Variants in SH3BP4 observed in about 807,000 individuals in gnomAD.
SH3BP4 encodes SH3 domain binding protein 4, also known as SH3 domain-binding protein 4.
In SH3BP4, 33 loss-of-function variants were observed where a neutral mutation model predicts 65.5. The ratio of observed to expected loss-of-function variants is 0.50; its 90% confidence interval spans 0.38 to 0.67. SH3BP4 has a LOEUF of 0.67. SH3BP4 is among the 30% of genes least tolerant of loss of function. The pLI, the probability that SH3BP4 is intolerant of heterozygous loss-of-function variation, is 0.00. For missense variants in SH3BP4, 1,134 were observed against 1,261.4 expected (o/e 0.90, Z 1.53); for synonymous variants, 552 against 545.5 (o/e 1.01, Z -0.17).
intron 2 of SH3BP4, among the ~76,000 whole-genome samples, chr2:235,018,077 C>T (rs950805412): frequency 1.3e-5 from 2 of 152,082 alleles, no homozygotes; most frequent in Non-Finnish European, 2.9e-5. Context: ...CTTACAGGGT[C>T]TTGGATTACC....
rs1693735084 is a variant in SH3BP4 at position 234,991,113 on chromosome 2, G to T, written c.-206-4190G>T. 1.3e-5 allele frequency among the ~76,000 whole-genome samples: 2 copies of T among 152,168 alleles called. No homozygotes were observed. The highest frequency in any genetic ancestry group is 2.9e-5 in the Non-Finnish European group (2 of 68,022). ...CTGGTGATGCATACAAATTTGGGGGGATGCAATTCCATCTATACCATTGGG... is the reference window on the plus strand; with the variant it reads ...CTGGTGATGCATACAAATTTGGGGGTATGCAATTCCATCTATACCATTGGG... On this transcript the variant is annotated intron_variant, in intron 1 of 5. Transcript: ENST00000392011. The surrounding 1 kb of genome is among the most constrained non-coding windows in gnomAD (Gnocchi z 4.2).
chr2:234,973,239 C>T (rs557818137), intron 1 of SH3BP4, among the ~76,000 whole-genome samples: 1 of 152,316 alleles, frequency 6.6e-6, no homozygotes, highest in South Asian at 2.1e-4. Flanking sequence ...GTCGCCCACA[C>T]ACCATCCACC....
chr2:235,000,351 T>C (rs1694058779), intron 2 of SH3BP4, among the ~76,000 whole-genome samples: 1 of 152,186 alleles, frequency 6.6e-6, no homozygotes, highest in Admixed American at 6.5e-5. Context: ...GTTATTGATG[T>C]GACTGGGGGG....
At position 235,034,641 on chromosome 2, in the gene SH3BP4, A is replaced by C. The variant is rs1011844069; in HGVS notation, c.-132-230A>C. On this transcript the variant is annotated intron_variant, in intron 2 of 5. Coordinates refer to ENST00000392011, the MANE Select transcript of SH3BP4 (RefSeq NM_014521.3). This position sits in a 1 kb window ranked among gnomAD's most constrained non-coding sequence, Gnocchi z 6.2. ...AGAGCAGGTGCAAACAGCCGGCCAG[A>C]AAACACTGCTTGGGCTGTGTGTGCC... is the stretch of plus-strand genomic sequence containing the variant. Among the ~76,000 whole-genome samples, 3 of 152,370 alleles carry C rather than the reference A, an allele frequency of 2.0e-5. No homozygotes were observed. The highest frequency in any genetic ancestry group is 4.4e-5 in the Non-Finnish European group (3 of 68,036).
intron 1 of SH3BP4, among the ~76,000 whole-genome samples, chr2:234,969,304 C>T (rs1011593250): frequency 1.3e-5 from 2 of 152,110 alleles, no homozygotes; most frequent in Non-Finnish European, 2.9e-5. Flanking sequence ...CTTTGGGGAA[C>T]GGTAGAGTCT....
intron 2 of SH3BP4, among the ~76,000 whole-genome samples, chr2:235,009,014 T>G (rs1694391215): frequency 6.6e-6 from 1 of 152,248 alleles, no homozygotes; most frequent in African/African-American, 2.4e-5. Flanking sequence ...GCTTGTGTTC[T>G]CTGGGATTGT....
At position 235,033,054 on chromosome 2, in the gene SH3BP4, G is replaced by A. The variant is rs1695256926; in HGVS notation, c.-132-1817G>A. On this transcript the variant is annotated intron_variant, in intron 2 of 5. Coordinates refer to ENST00000392011, the MANE Select transcript of SH3BP4 (RefSeq NM_014521.3). The surrounding 1 kb of genome is among the most constrained non-coding windows in gnomAD (Gnocchi z 5.7). ...CACTGCTGGGTAGGAGAGACGGCGG[G>A]GCTGGGCTCAGGTAGGTGTTTTTTA... Among the ~76,000 whole-genome samples the A allele has an allele frequency of 6.6e-6, 1 of 152,162 alleles. No homozygotes were observed. Among genetic ancestry groups the A allele is most frequent in the African/African-American group, 2.4e-5 (1 of 41,436 alleles).
At chr2:235,007,443 G>A (rs1244984807) in intron 2 of SH3BP4, among the ~76,000 whole-genome samples, 3 of 152,166 alleles carry the variant, frequency 2.0e-5, no homozygotes, top group Non-Finnish European at 4.4e-5. Flanking sequence ...TTGTCACCAC[G>A]CAGGGAGGAG....
chr2:235,031,565 G>A (rs972233844), intron 2 of SH3BP4, among the ~76,000 whole-genome samples: 3 of 152,166 alleles, frequency 2.0e-5, no homozygotes, highest in South Asian at 2.1e-4. Context: ...CTTCACCACC[G>A]CGTTCCGCCA....
chr2:234,964,851 G>A (rs2106242861), intron 1 of SH3BP4, among the ~76,000 whole-genome samples: 1 of 152,220 alleles, frequency 6.6e-6, no homozygotes, highest in Admixed American at 6.5e-5. Context: ...GGGGCCGGGT[G>A]ACCTGCCTGG....
chr2:235,004,470 T>A (rs1210048946), intron 2 of SH3BP4, among the ~76,000 whole-genome samples: 1 of 152,224 alleles, frequency 6.6e-6, no homozygotes, highest in African/African-American at 2.4e-5. Context: ...CACCACCTCT[T>A]ATCACATCTC....
intron 2 of SH3BP4, among the ~76,000 whole-genome samples, chr2:235,013,361 G>A (rs1384768503): frequency 4.6e-5 from 7 of 152,086 alleles, no homozygotes; most frequent in African/African-American, 1.2e-4. Flanking sequence ...AGTTGTCTCC[G>A]GTGTCTGGGC....
chr2:234,967,274 G>T lies in SH3BP4; in HGVS notation c.-207+15104G>T, dbSNP rs1191352344. ...GGTGCTTAACCGGGACCAGACTGGG[G>T]AGCAGGATGGGGCTGTGTTGTGGGA... On this transcript the variant is annotated intron_variant, in intron 1 of 5. Coordinates refer to ENST00000392011, the MANE Select transcript of SH3BP4 (RefSeq NM_014521.3). This position sits in a 1 kb window ranked among gnomAD's most constrained non-coding sequence, Gnocchi z 4.6. 3.9e-5 allele frequency among the ~76,000 whole-genome samples: 6 copies of T among 152,206 alleles called. No individual in the cohort carries two copies. Among genetic ancestry groups the T allele is most frequent in the Non-Finnish European group, 2.9e-5 (2 of 68,042 alleles).
chr2:234,990,931 C>T lies in SH3BP4; in HGVS notation c.-206-4372C>T, dbSNP rs575016627. On this transcript the variant is annotated intron_variant, in intron 1 of 5. Transcript: ENST00000392011. ...AAGCCTCACCCCCCATCTTAGTCAT[C>T]CTGTCACCTGTCCCTCTCTGTGTGC... Among the ~76,000 whole-genome samples, 55 of 152,248 alleles carry T rather than the reference C, an allele frequency of 3.6e-4. 1 individual carries two copies. Among genetic ancestry groups the T allele is most frequent in the African/African-American group, 1.3e-3 (53 of 41,536 alleles).
Position 235,055,192 on chromosome 2 carries a change from C to T in SH3BP4, c.*1376C>T, listed in dbSNP as rs1696187430. On this transcript the variant is annotated 3_prime_UTR_variant, in exon 6 of 6. Transcript: ENST00000392011. ...GAGTGAGGTGATCCTTAGCAACGTG[C>T]CAGGACACTTCCTGTGTGCCTGCAG... The T allele has an allele frequency of 6.6e-6, 1 of 152,170 alleles. No homozygotes were observed. The highest frequency in any genetic ancestry group is 1.5e-5 in the Non-Finnish European group (1 of 68,034). The allele number at this position is 152,170 out of a possible 1,614,324, so 9.4% of individuals were successfully genotyped here.
intron 1 of SH3BP4, among the ~76,000 whole-genome samples, chr2:234,970,098 TACAC>T (rs749914921): frequency 5.5e-4 from 82 of 149,718 alleles, no homozygotes; most frequent in East Asian, 3.2e-3. Context: ...CACTCACAAA[TACAC>T]TCACTCACAC....
intron 2 of SH3BP4, among the ~76,000 whole-genome samples, chr2:234,998,429 G>A (rs1013085842): frequency 1.3e-5 from 2 of 152,254 alleles, no homozygotes; most frequent in African/African-American, 2.4e-5. Context: ...TTCGCAGGGC[G>A]ACTGGCCACG....
chr2:235,054,025 C>G lies in SH3BP4; in HGVS notation c.*209C>G. The G allele has an allele frequency of 1.9e-6, 1 of 519,982 alleles. No individual in the cohort carries two copies. Among genetic ancestry groups the G allele is most frequent in the Non-Finnish European group, 3.4e-6 (1 of 292,468 alleles). 32.2% of individuals were successfully genotyped at this position (519,982 alleles called of 1,614,324 possible). A position where few individuals can be genotyped will look rare whatever the true frequency, so the allele number is the denominator to read the frequency against. ...GCCTACTGCAGCTCGTTGCCAATCA[C>G]ATAGCTTTCTATTTGTTAAGTATAA... is the stretch of plus-strand genomic sequence containing the variant. On this transcript the variant is annotated 3_prime_UTR_variant, in exon 6 of 6. Coordinates refer to ENST00000392011, the MANE Select transcript of SH3BP4 (RefSeq NM_014521.3).
At chr2:235,006,514 C>A (rs540605073) in intron 2 of SH3BP4, among the ~76,000 whole-genome samples, 4 of 152,122 alleles carry the variant, frequency 2.6e-5, no homozygotes, top group Admixed American at 2.0e-4. Context: ...TGGCTGCAGG[C>A]GGGACCACAG....
Sources: allele counts gnomAD v4.1 joint callset (sites outside exome capture counted in the v4.1 genomes callset), GRCh38; gene constraint gnomAD v4.1.1; non-coding constraint Gnocchi (gnomAD v3.1); transcripts MANE v1.5; gene names NCBI Gene and HGNC (gene_info 2026-07-23, HGNC 2026-07-21).